PHF20: variants seen among roughly 807,000 people sequenced by gnomAD.
The protein encoded by PHF20 is glioma-expressed antigen 2.
A neutral mutation model predicts 113.5 loss-of-function variants in PHF20; 23 were observed. The observed-to-expected ratio is 0.20, with a 90% confidence interval of 0.15 to 0.29. The LOEUF is 0.29. PHF20 is among the 10% of genes least tolerant of loss of function. The pLI is 1.00. For synonymous variants in PHF20, 434 were observed against 457.3 expected, an observed-to-expected ratio of 0.95 and a Z score of 0.65; for missense variants, 943 against 1,219.6, an observed-to-expected ratio of 0.77 and a Z score of 3.38.
chr20:35,947,763 G>A lies in PHF20; in HGVS notation c.*136G>A, dbSNP rs1003056020. ...CTTCAGGGATCTGGGCCAGGAGTGT[G>A]GTGGACATTGGACAAAGAGGCCATT... is the stretch of plus-strand genomic sequence containing the variant. On this transcript the variant is annotated 3_prime_UTR_variant, in exon 18 of 18. Coordinates refer to ENST00000374012, the MANE Select transcript of PHF20 (RefSeq NM_016436.5). 6.6e-6 allele frequency: 6 copies of A among 909,596 alleles called. No homozygotes were observed. Among genetic ancestry groups the A allele is most frequent in the African/African-American group, 5.0e-5 (3 of 59,790 alleles). 56.3% of individuals were successfully genotyped at this position (909,596 alleles called of 1,614,324 possible).
intron 2 of PHF20, among the ~76,000 whole-genome samples, chr20:35,836,456 T>G (rs1455813708): frequency 1.3e-5 from 2 of 152,232 alleles, no homozygotes; most frequent in African/African-American, 4.8e-5. Flanking sequence ...TTCTTTCTTG[T>G]GGCTACATAA....
chr20:35,943,496 TAAA>T (rs376783489), intron 17 of PHF20, among the ~76,000 whole-genome samples: 4 of 116,028 alleles, frequency 3.4e-5, no homozygotes, highest in Non-Finnish European at 5.5e-5. Context: ...CCCATTTCTT[TAAA>T]AAAAAAAAAA....
At chr20:35,844,661 T>C (rs890752357) in intron 3 of PHF20, among the ~76,000 whole-genome samples, 4 of 151,336 alleles carry the variant, frequency 2.6e-5, no homozygotes, top group South Asian at 2.1e-4. Flanking sequence ...TTATCAACTT[T>C]AGAAAAGAAG....
intron 15 of PHF20, among the ~76,000 whole-genome samples, chr20:35,932,113 G>T (rs2055768702): frequency 6.7e-6 from 1 of 150,236 alleles, no homozygotes; most frequent in Non-Finnish European, 1.5e-5. Context: ...TGTCACCCAG[G>T]CTGGAGTGCA....
At chr20:35,915,494 C>T (rs2055388117) in intron 12 of PHF20, among the ~76,000 whole-genome samples, 1 of 152,010 alleles carries the variant, frequency 6.6e-6, no homozygotes, top group South Asian at 2.1e-4. Flanking sequence ...TCAAGCAATT[C>T]TCCTGTCTCA....
intron 2 of PHF20, among the ~76,000 whole-genome samples, chr20:35,833,591 C>T (rs1199056074): frequency 1.3e-5 from 2 of 151,978 alleles, no homozygotes; most frequent in East Asian, 1.9e-4. Flanking sequence ...TCTGGTGAAC[C>T]TTTATTGAAT....
Position 35,802,765 on chromosome 20 carries a change from C to T in PHF20, c.83+1160C>T, listed in dbSNP as rs13036687. Among the ~76,000 whole-genome samples the T allele has an allele frequency of 5.4e-3, 807 of 150,636 alleles. 9 individuals carry two copies. The highest frequency in any genetic ancestry group is 0.019 in the African/African-American group (774 of 40,966). ...CCAGCCTGGCTAAAGTGGCGAAACC[C>T]CGTCTCTACTAAAAATACAAAAAAT... is the stretch of plus-strand genomic sequence containing the variant. On this transcript the variant is annotated intron_variant, in intron 2 of 17. Coordinates refer to ENST00000374012, the MANE Select transcript of PHF20 (RefSeq NM_016436.5).
intron 2 of PHF20, among the ~76,000 whole-genome samples, chr20:35,821,449 G>T (rs2042166957): frequency 6.7e-6 from 1 of 149,652 alleles, no homozygotes; most frequent in Admixed American, 6.7e-5. Flanking sequence ...AAAAAAAGGG[G>T]CTGTGAGCCT....
intron 5 of PHF20, among the ~76,000 whole-genome samples, chr20:35,859,655 T>G (rs1403983228): frequency 6.6e-6 from 1 of 151,878 alleles, no homozygotes; most frequent in Non-Finnish European, 1.5e-5. Flanking sequence ...CAAGTGATTC[T>G]CCTGCCTCAG....
chr20:35,880,069 C>T (rs956829168), intron 9 of PHF20, among the ~76,000 whole-genome samples: 11 of 152,160 alleles, frequency 7.2e-5, no homozygotes, highest in Admixed American at 5.9e-4. Flanking sequence ...GAGCCTTTAC[C>T]ATATGCCTAG....
chr20:35,828,676 C>T (rs1282293906), intron 2 of PHF20, among the ~76,000 whole-genome samples: 2 of 152,184 alleles, frequency 1.3e-5, no homozygotes, highest in Non-Finnish European at 2.9e-5. Context: ...CACATGGAGT[C>T]ATGCCAGCAG....
chr20:35,815,495 C>T (rs1761145658), intron 2 of PHF20, among the ~76,000 whole-genome samples: 1 of 151,846 alleles, frequency 6.6e-6, no homozygotes. Context: ...CAGAGTCTTG[C>T]TGTGTGTCTC....
At chr20:35,859,570 A>G in intron 5 of PHF20, among the ~76,000 whole-genome samples, 1 of 150,680 alleles carries the variant, frequency 6.6e-6, no homozygotes. Flanking sequence ...TTGGAGACAG[A>G]GTCTTGTTCT....
intron 1 of PHF20, among the ~76,000 whole-genome samples, chr20:35,786,642 C>T: frequency 6.6e-6 from 1 of 152,264 alleles, no homozygotes; most frequent in South Asian, 2.1e-4. Flanking sequence ...GTGGAGGTTG[C>T]AGTGAGCCGA....
Position 35,931,321 on chromosome 20 carries a change from T to A in PHF20, c.2177T>A (p.Phe726Tyr). The A allele has an allele frequency of 6.2e-7, 1 of 1,614,076 alleles. No homozygotes were observed. The highest frequency in any genetic ancestry group is 1.1e-5 in the South Asian group (1 of 91,084). The change falls in exon 15 of 18, where the codon TTT (phenylalanine) becomes TAT (tyrosine). Residue 726 changes from phenylalanine (F) to tyrosine (Y), a missense_variant. Physicochemically the swap from Phe to Tyr is conservative, Grantham distance 22. This residue lies in a region of PHF20 where 349 missense variants were observed against 412.3 expected (regional missense o/e 0.85). Coordinates refer to ENST00000374012, the MANE Select transcript of PHF20 (RefSeq NM_016436.5). ...LSRGHMHGLAFLEENYSHQNA... is the reference protein window; with the variant it reads ...LSRGHMHGLAYLEENYSHQNA... ...AGGGGACATATGCATGGCCTGGCAT[T>A]TCTAGAAGAGAACTACTCCCATCAG...
Position 35,863,038 on chromosome 20 carries a change from AAGAAAC to A in PHF20, c.450_455del (p.Glu150_Thr151del). On this transcript the variant is annotated inframe_deletion, in exon 6 of 18. Transcript: ENST00000374012. ...AATATTGTGGGTAATGCTAGGCCTAAAGAAACAGATCACAAAAGTCTTTCATCATCT... is the reference window on the plus strand; with the variant it reads ...AATATTGTGGGTAATGCTAGGCCTAAAGATCACAAAAGTCTTTCATCATCT... 6.3e-7 allele frequency: 1 copy of A among 1,593,170 alleles called. No individual in the cohort carries two copies. The highest frequency in any genetic ancestry group is 8.5e-7 in the Non-Finnish European group (1 of 1,174,418).
intron 2 of PHF20, among the ~76,000 whole-genome samples, chr20:35,824,138 G>A (rs893382961): frequency 1.3e-5 from 2 of 152,148 alleles, no homozygotes; most frequent in East Asian, 1.9e-4. Flanking sequence ...GTGAGAAACC[G>A]CCAAACTTTT....
intron 9 of PHF20, among the ~76,000 whole-genome samples, chr20:35,873,456 C>CT (rs2054459354): frequency 8.2e-6 from 1 of 122,388 alleles, no homozygotes; most frequent in Non-Finnish European, 1.7e-5. Context: ...TGTGTTTTGT[C>CT]TGTTTTTTTG....
chr20:35,787,281 G>A (rs990281301), intron 1 of PHF20, among the ~76,000 whole-genome samples: 1 of 151,962 alleles, frequency 6.6e-6, no homozygotes, highest in Non-Finnish European at 1.5e-5. Context: ...CCAGGTTCAA[G>A]CGATTCTCCT....
Sources: gnomAD v4.1 joint callset for allele counts (sites outside exome capture counted in the v4.1 genomes callset) on GRCh38, gnomAD v4.1.1 for gene constraint, gnomAD v4.1.1 regional missense constraint, MANE v1.5 for transcripts, NCBI Gene and HGNC (gene_info 2026-07-23, HGNC 2026-07-21) for gene names.